MARCHF5: variants seen among roughly 807,000 people sequenced by gnomAD.
The protein encoded by MARCHF5 is membrane associated ring-CH-type finger 5.
A neutral mutation model predicts 36.5 loss-of-function variants in MARCHF5; 5 were observed. The ratio of observed to expected loss-of-function variants is 0.14; its 90% CI spans 0.07 to 0.29. The LOEUF is 0.29. MARCHF5 is among the 10% of genes least tolerant of loss of function. MARCHF5 has a pLI of 1.00. For missense variants in MARCHF5, 179 were observed against 336.3 expected (o/e 0.53, Z 3.66); for synonymous variants, 103 against 109.9 (o/e 0.94, Z 0.39).
Position 92,353,039 on chromosome 10 carries a change from A to C in MARCHF5, c.*1832A>C, listed in dbSNP as rs567095163. ...ACACAGTTCCCCATTTACTACATTA[A>C]TGCCCTTGACAGGGAGTAGCTGCTT... On this transcript the variant is annotated 3_prime_UTR_variant, in exon 6 of 6. Coordinates refer to ENST00000358935, the MANE Select transcript of MARCHF5 (RefSeq NM_017824.5). The C allele has an allele frequency of 3.7e-4, 57 of 152,606 alleles. No individual in the cohort carries two copies. Among genetic ancestry groups the C allele is most frequent in the African/African-American group, 1.3e-3 (56 of 41,558 alleles). The allele number at this position is 152,606 out of a possible 1,614,324, so 9.5% of individuals were successfully genotyped here.
intron 1 of MARCHF5, among the ~76,000 whole-genome samples, chr10:92,305,314 G>C (rs1429188424): frequency 6.6e-6 from 1 of 152,096 alleles, no homozygotes; most frequent in Non-Finnish European, 1.5e-5. Flanking sequence ...GGGTGAGACA[G>C]GAGATTTGCT....
chr10:92,297,334 T>A (rs1842958640), intron 1 of MARCHF5, among the ~76,000 whole-genome samples: 1 of 151,676 alleles, frequency 6.6e-6, no homozygotes, highest in Admixed American at 6.6e-5. Flanking sequence ...ACCTAGCTGA[T>A]TTTTTGTATT....
At chr10:92,314,362 C>T (rs117046252) in intron 2 of MARCHF5, among the ~76,000 whole-genome samples, 1,908 of 152,144 alleles carry the variant, frequency 0.013, 15 homozygotes, top group Non-Finnish European at 0.022. Flanking sequence ...AATGAATATC[C>T]GCTGGGCACG....
intron 2 of MARCHF5, among the ~76,000 whole-genome samples, chr10:92,339,302 G>T (rs542919134): frequency 6.6e-6 from 1 of 152,150 alleles, no homozygotes; most frequent in Admixed American, 6.5e-5. Context: ...CCCAGGAGGC[G>T]GAGGGTGCAG....
chr10:92,316,681 G>T (rs1234578225), intron 2 of MARCHF5, among the ~76,000 whole-genome samples: 1 of 152,070 alleles, frequency 6.6e-6, no homozygotes, highest in Non-Finnish European at 1.5e-5. Context: ...TCTTGCCTCA[G>T]CCTTCCAAGT....
At chr10:92,337,378 GT>G in intron 2 of MARCHF5, among the ~76,000 whole-genome samples, 1 of 152,156 alleles carries the variant, frequency 6.6e-6, no homozygotes, top group East Asian at 1.9e-4. Flanking sequence ...GCCGGGCGTG[GT>G]GGCACATAAC....
intron 2 of MARCHF5, among the ~76,000 whole-genome samples, chr10:92,339,648 C>T (rs1436865763): frequency 1.3e-5 from 2 of 151,784 alleles, no homozygotes; most frequent in African/African-American, 2.4e-5. Context: ...CCAACCTGGG[C>T]GACAGAGCGA....
At chr10:92,314,741 TCCCCCCGCCC>T (rs1464677242) in intron 2 of MARCHF5, among the ~76,000 whole-genome samples, 1 of 10,648 alleles carries the variant, frequency 9.4e-5, no homozygotes. Flanking sequence ...TGCTGCTGCT[TCCCCCCGCCC>T]CCCCCCGCCA....
intron 1 of MARCHF5, among the ~76,000 whole-genome samples, chr10:92,293,801 G>A (rs1452998909): frequency 6.6e-6 from 1 of 151,850 alleles, no homozygotes; most frequent in East Asian, 1.9e-4. Flanking sequence ...AGCTAGTGAG[G>A]CATTTAAAAC....
At chr10:92,326,645 A>G (rs1843363867) in intron 2 of MARCHF5, among the ~76,000 whole-genome samples, 2 of 152,226 alleles carry the variant, frequency 1.3e-5, no homozygotes, top group Admixed American at 1.3e-4. Flanking sequence ...TATTGCCAAA[A>G]AACAAAATGA....
chr10:92,310,788 A>G (rs1186011533), intron 1 of MARCHF5, among the ~76,000 whole-genome samples: 1 of 152,158 alleles, frequency 6.6e-6, no homozygotes, highest in Admixed American at 6.5e-5. Flanking sequence ...TGTGCTTACT[A>G]TTCCTCAAAG....
At chr10:92,317,808 C>T (rs1277860987) in intron 2 of MARCHF5, among the ~76,000 whole-genome samples, 6 of 149,796 alleles carry the variant, frequency 4.0e-5, no homozygotes, top group South Asian at 2.1e-4. Context: ...TGGAGTACAG[C>T]GCCATGATCT....
chr10:92,322,633 G>A (rs1300256476), intron 2 of MARCHF5, among the ~76,000 whole-genome samples: 1 of 145,662 alleles, frequency 6.9e-6, no homozygotes, highest in Non-Finnish European at 1.5e-5. Flanking sequence ...TTTTTTTATA[G>A]TGACAGGGTT....
At position 92,311,323 on chromosome 10, in the gene MARCHF5, T is replaced by A; in HGVS notation, c.224T>A (p.Val75Asp). 6.3e-7 allele frequency: 1 copy of A among 1,585,192 alleles called. No homozygotes were observed. The highest frequency in any genetic ancestry group is 8.6e-7 in the Non-Finnish European group (1 of 1,164,630). The change falls in exon 2 of 6, where the codon GTT (valine) becomes GAT (aspartate). Residue 75 changes from valine to aspartate, a missense_variant. Physicochemically the swap from Val to Asp is radical, Grantham distance 152 (BLOSUM62 -3). Transcript: ENST00000358935. ...CAGTGCAATGCTGAATACCTAATAG[T>A]TTTTCCAAAATTGGGTAAGAATATC... ...CPQCNAEYLI[V>D]FPKLGPVVYV...
chr10:92,327,869 G>GA (rs962234296), intron 2 of MARCHF5, among the ~76,000 whole-genome samples: 18 of 150,108 alleles, frequency 1.2e-4, no homozygotes, highest in African/African-American at 2.2e-4. Flanking sequence ...GCATAAAAGG[G>GA]AAAAAAAAAG....
At chr10:92,333,221 A>G (rs1266330047) in intron 2 of MARCHF5, among the ~76,000 whole-genome samples, 2 of 151,772 alleles carry the variant, frequency 1.3e-5, no homozygotes, top group Non-Finnish European at 2.9e-5. Context: ...GGACCATATA[A>G]TTAATACTTT....
At chr10:92,292,709 C>T (rs896538232) in intron 1 of MARCHF5, among the ~76,000 whole-genome samples, 30 of 152,250 alleles carry the variant, frequency 2.0e-4, no homozygotes, top group South Asian at 6.2e-4. Flanking sequence ...AGGTCAACAT[C>T]CTGACAATTG....
intron 3 of MARCHF5, 150 bp downstream of exon 3, chr10:92,340,953 C>A: frequency 4.7e-6 from 3 of 633,210 alleles, no homozygotes; most frequent in Non-Finnish European, 5.0e-6. Flanking sequence ...TTTCTTTACC[C>A]AAAAAGGAGC....
chr10:92,326,221 G>C (rs1187981675), intron 2 of MARCHF5, among the ~76,000 whole-genome samples: 1 of 152,048 alleles, frequency 6.6e-6, no homozygotes, highest in East Asian at 1.9e-4. Context: ...AATATCAATA[G>C]CTATCATTTG....
Sources: gnomAD v4.1 joint callset for allele counts (sites outside exome capture counted in the v4.1 genomes callset) on GRCh38, gnomAD v4.1.1 for gene constraint, MANE v1.5 for transcripts, NCBI Gene and HGNC (gene_info 2026-07-23, HGNC 2026-07-21) for gene names.